ANK3: variants seen among roughly 807,000 people sequenced by gnomAD.
ANK3 encodes ankyrin 3.
In ANK3, 57 loss-of-function variants were observed where a neutral mutation model predicts 370.9. That is an observed-to-expected ratio of 0.15 (90% CI 0.12 to 0.19). ANK3 has a LOEUF of 0.19. ANK3 is among the 10% of genes least tolerant of loss of function. The pLI, the probability that ANK3 is intolerant of heterozygous loss-of-function variation, is 1.00. For synonymous variants in ANK3, 1,929 were observed against 1,946.3 expected, an observed-to-expected ratio of 0.99 and a Z score of 0.23; for missense variants, 4,439 against 5,302.1, an observed-to-expected ratio of 0.84 and a Z score of 5.06.
At chr10:60,348,369 A>AACACAC (rs1555324742) in intron 1 of ANK3, among the ~76,000 whole-genome samples, 2 of 128,056 alleles carry the variant, frequency 1.6e-5, no homozygotes, top group African/African-American at 5.7e-5. Context: ...AAAAAAAAAA[A>AACACAC]ACACAAAAAA....
intron 38 of ANK3, among the ~76,000 whole-genome samples, chr10:60,067,590 A>G (rs2081905816): frequency 1.3e-5 from 2 of 152,242 alleles, no homozygotes. Flanking sequence ...TAATTAAGTC[A>G]TAGGCCTTAG....
At chr10:60,157,546 A>C (rs1032632844) in intron 23 of ANK3, among the ~76,000 whole-genome samples, 3 of 151,928 alleles carry the variant, frequency 2.0e-5, no homozygotes, top group Non-Finnish European at 2.9e-5. Flanking sequence ...TATGTTGCCC[A>C]AGCTAGCTCA....
rs559539908 is a variant in ANK3 at position 60,634,353 on chromosome 10, G to A, written c.58-19129C>T. 2.0e-4 allele frequency among the ~76,000 whole-genome samples: 31 copies of A among 152,148 alleles called. 1 individual carries two copies. The highest frequency in any genetic ancestry group is 4.1e-4 in the Non-Finnish European group (28 of 68,024). On this transcript the variant is annotated intron_variant, in intron 1 of 43. Coordinates refer to the ANK3 transcript ENST00000373827. ...CCAACTTGTTTATGATTTATACCAT[G>A]AGTAAAAAAATGAGCTAATAAGAAA...
At chr10:60,103,215 G>T (rs1484518868) in intron 28 of ANK3, among the ~76,000 whole-genome samples, 2 of 152,074 alleles carry the variant, frequency 1.3e-5, no homozygotes, top group Non-Finnish European at 2.9e-5. Flanking sequence ...CTCCCAAAGT[G>T]CTGGGATTAC....
chr10:60,539,660 A>T (rs1433184851), intron 2 of ANK3, among the ~76,000 whole-genome samples: 1 of 151,918 alleles, frequency 6.6e-6, no homozygotes, highest in East Asian at 1.9e-4. Flanking sequence ...GAAGTAGTCA[A>T]ATGTACATAT....
At chr10:60,459,119 C>T (rs186716078) in intron 2 of ANK3, among the ~76,000 whole-genome samples, 25 of 152,174 alleles carry the variant, frequency 1.6e-4, no homozygotes, top group African/African-American at 4.8e-4. Flanking sequence ...TTGACAGAAT[C>T]GGCTTACGAG....
intron 2 of ANK3, among the ~76,000 whole-genome samples, chr10:60,484,080 G>A (rs1444239779): frequency 3.9e-5 from 6 of 152,108 alleles, no homozygotes; most frequent in Non-Finnish European, 5.9e-5. Flanking sequence ...ATGAAGATAA[G>A]CAATAATAAA....
intron 2 of ANK3, among the ~76,000 whole-genome samples, chr10:60,423,586 A>C (rs2063821025): frequency 6.6e-6 from 1 of 152,004 alleles, no homozygotes; most frequent in Non-Finnish European, 1.5e-5. Flanking sequence ...TGCCTTGACT[A>C]TATCCCTTAT....
intron 31 of ANK3, 97 bp downstream of exon 31, chr10:60,085,060 A>G (rs1227781518): frequency 9.7e-7 from 1 of 1,031,912 alleles, no homozygotes; most frequent in South Asian, 1.8e-5. Flanking sequence ...TTTTTCTCAC[A>G]ACAATTTTTT....
intron 2 of ANK3, among the ~76,000 whole-genome samples, chr10:60,412,676 C>G (rs16914993): frequency 0.17 from 25,269 of 152,176 alleles, 2,625 homozygotes; most frequent in Admixed American, 0.27. Context: ...GAAGCTTTAG[C>G]CATAGTAGCT....
intron 23 of ANK3, chr10:60,146,027 C>CA: frequency 6.9e-7 from 1 of 1,451,398 alleles, no homozygotes; most frequent in Non-Finnish European, 9.3e-7. Flanking sequence ...ATTACCTATT[C>CA]AAAAAATGAA....
chr10:60,584,413 G>A (rs2077800897), intron 2 of ANK3, among the ~76,000 whole-genome samples: 1 of 151,390 alleles, frequency 6.6e-6, no homozygotes, highest in African/African-American at 2.4e-5. Context: ...GAAGCCAGGG[G>A]TTCAAGGACA....
intron 16 of ANK3, 36 bp downstream of exon 16, chr10:60,196,109 C>G: frequency 6.5e-7 from 1 of 1,540,030 alleles, no homozygotes. Context: ...ATAGACCTTA[C>G]CCATCAGTCT....
chr10:60,711,997 G>A (rs2079715857), intron 1 of ANK3, among the ~76,000 whole-genome samples: 1 of 152,154 alleles, frequency 6.6e-6, no homozygotes, highest in Non-Finnish European at 1.5e-5. Flanking sequence ...TAAAAAGGAA[G>A]AGAAATAAAG....
intron 1 of ANK3, among the ~76,000 whole-genome samples, chr10:60,376,555 G>A (rs547055361): frequency 3.0e-4 from 45 of 152,306 alleles, no homozygotes; most frequent in African/African-American, 9.9e-4. Flanking sequence ...GAGAGCTCAG[G>A]AAAAGACCAG....
At chr10:60,405,398 A>G (rs981238991) in intron 2 of ANK3, among the ~76,000 whole-genome samples, 3 of 152,224 alleles carry the variant, frequency 2.0e-5, no homozygotes, top group Non-Finnish European at 4.4e-5. Flanking sequence ...TCAAATGAGT[A>G]TATACTGTAT....
chr10:60,081,067 A>C (rs568651605), intron 35 of ANK3, among the ~76,000 whole-genome samples: 1 of 152,198 alleles, frequency 6.6e-6, no homozygotes, highest in African/African-American at 2.4e-5. Flanking sequence ...GTTTTGTTAG[A>C]AGTACTTTTT....
chr10:60,286,693 A>G (rs1334187160), intron 1 of ANK3, among the ~76,000 whole-genome samples: 3 of 152,160 alleles, frequency 2.0e-5, no homozygotes, highest in Admixed American at 6.6e-5. Flanking sequence ...ACCAATTTAC[A>G]TTTCCCTGGC....
intron 1 of ANK3, among the ~76,000 whole-genome samples, chr10:60,723,938 C>T (rs1192551308): frequency 2.6e-5 from 4 of 151,732 alleles, no homozygotes; most frequent in East Asian, 1.9e-4. Flanking sequence ...AGGCTGGGCG[C>T]GGTGGCTCAC....
Sources: allele counts gnomAD v4.1 joint callset (sites outside exome capture counted in the v4.1 genomes callset), GRCh38; gene constraint gnomAD v4.1.1; transcripts MANE v1.5; gene names NCBI Gene and HGNC (gene_info 2026-07-23, HGNC 2026-07-21).